The following FBLN1 variants were observed in gnomAD, a reference collection of about 807,000 sequenced individuals.
FBLN1 encodes the protein fibulin-1.
Under a neutral mutation model 89.7 loss-of-function variants are expected in FBLN1, and 34 were observed. The ratio of observed to expected loss-of-function variants is 0.38; its 90% CI spans 0.29 to 0.50. FBLN1 has a LOEUF of 0.50. Among genes scored for constraint, FBLN1 ranks in the 20% least tolerant of loss-of-function variants. The pLI, the probability that FBLN1 is intolerant of heterozygous loss-of-function variation, is 0.92. For missense variants in FBLN1, 777 were observed against 988.1 expected (o/e 0.79, Z 2.86); for synonymous variants, 393 against 391.3 (o/e 1.00, Z -0.05).
At position 45,590,968 on chromosome 22, in the gene FBLN1, G is replaced by A. The variant is rs1324859057; in HGVS notation, c.1973-9339G>A. Among the ~76,000 whole-genome samples the A allele has an allele frequency of 2.0e-5, 3 of 152,152 alleles. No individual in the cohort carries two copies. Among genetic ancestry groups the A allele is most frequent in the African/African-American group, 7.2e-5 (3 of 41,440 alleles). ...GGAGGACCCCACCCAGCAGGTAGGT[G>A]GGTGGAGGCTGAGGTCGGCTCAGGA... On this transcript the variant is annotated intron_variant, in intron 16 of 16. Transcript: ENST00000327858. The surrounding 1 kb of genome is among the most constrained non-coding windows in gnomAD (Gnocchi z 4.1).
chr22:45,541,668 A>G (rs2088557922), intron 9 of FBLN1, among the ~76,000 whole-genome samples: 1 of 152,230 alleles, frequency 6.6e-6, no homozygotes. Context: ...CTCTGCTTAC[A>G]GTCCAGTCCC....
intron 3 of FBLN1, among the ~76,000 whole-genome samples, chr22:45,526,111 C>T (rs2088324620): frequency 6.6e-6 from 1 of 152,200 alleles, no homozygotes. Context: ...TGGGCCCTCA[C>T]TAAGACCTCT....
chr22:45,571,745 G>T lies in FBLN1; in HGVS notation c.1698-2766G>T, dbSNP rs148991778. ...TCTTGGTGTATATTAGTTTTTAAATGTTCACTGAAGAGGCCTAGAAACAAT... is the reference window on the plus strand; with the variant it reads ...TCTTGGTGTATATTAGTTTTTAAATTTTCACTGAAGAGGCCTAGAAACAAT... On this transcript the variant is annotated intron_variant, in intron 14 of 16. Transcript: ENST00000327858. Among the ~76,000 whole-genome samples the T allele has an allele frequency of 4.0e-3, 603 of 152,296 alleles. 4 individuals are homozygous for T. The highest frequency in any genetic ancestry group is 0.014 in the African/African-American group (585 of 41,566).
chr22:45,513,414 C>T (rs1280694793), intron 1 of FBLN1, among the ~76,000 whole-genome samples: 10 of 151,344 alleles, frequency 6.6e-5, no homozygotes. Context: ...TAGTGATTCT[C>T]CTGCCTCTCA....
Position 45,535,319 on chromosome 22 carries a change from G to T in FBLN1, c.904G>T (p.Ala302Ser). The T allele has an allele frequency of 1.2e-6, 2 of 1,614,194 alleles. No individual in the cohort carries two copies. The highest frequency in any genetic ancestry group is 1.7e-6 in the Non-Finnish European group (2 of 1,180,030). ...LQCKSGFIQDALGNCIDINEC... is the reference protein window; with the variant it reads ...LQCKSGFIQDSLGNCIDINEC... The stretch of plus-strand genomic sequence containing the variant: ...GTGCAAGAGTGGCTTTATACAAGAT[G>T]CTCTAGGCAACTGTATTGGTAAGAG... The change falls in exon 8 of 17, where the codon GCT becomes TCT. Residue 302 changes from alanine (A) to serine (S), a missense_variant. Transcript: ENST00000327858.
intron 1 of FBLN1, among the ~76,000 whole-genome samples, chr22:45,513,418 C>T (rs2088127759): frequency 6.6e-6 from 1 of 151,724 alleles, no homozygotes; most frequent in African/African-American, 2.4e-5. Context: ...GATTCTCCTG[C>T]CTCTCAGCCT....
In FBLN1 at chr22:45,537,663, C is replaced by G. The variant is rs1012749352; in HGVS notation, c.922+2326C>G. 6.6e-6 allele frequency among the ~76,000 whole-genome samples: 1 copy of G among 151,962 alleles called. No homozygotes were observed. Among genetic ancestry groups the G allele is most frequent in the Non-Finnish European group, 1.5e-5 (1 of 67,990 alleles). ...AAAAAGACAAGTGGAACAGTGAGCC[C>G]TTAGGACAGGGGCCTCGTCTGAAAC... On this transcript the variant is annotated intron_variant, in intron 8 of 16. Coordinates refer to ENST00000327858, the MANE Select transcript of FBLN1 (RefSeq NM_006486.3). This position sits in a 1 kb window ranked among gnomAD's most constrained non-coding sequence, Gnocchi z 5.7.
In FBLN1 at chr22:45,573,680, C is replaced by CAAAAAAAAA. The variant is rs60082908; in HGVS notation, c.1698-818_1698-810dup. Among the ~76,000 whole-genome samples, 46 of 58,956 alleles carry CAAAAAAAAA rather than the reference C, an allele frequency of 7.8e-4. 3 individuals carry two copies. The highest frequency in any genetic ancestry group is 3.3e-3 in the African/African-American group (42 of 12,836). 38.7% of individuals were successfully genotyped at this position (58,956 alleles called of 152,430 possible). ...TGGGTGACAGAGCGAGACTCTGTCT[C>CAAAAAAAAA]AAAAAAAAAAAAAAAAAAAAACCCA... is the stretch of plus-strand genomic sequence containing the variant. On this transcript the variant is annotated intron_variant, in intron 14 of 16. Transcript: ENST00000327858.
In FBLN1 at chr22:45,574,431, C is replaced by T. The variant is rs2088975990; in HGVS notation, c.1698-80C>T. 2 of 1,541,114 alleles carry T rather than the reference C, an allele frequency of 1.3e-6. No individual in the cohort carries two copies. The highest frequency in any genetic ancestry group is 1.8e-6 in the Non-Finnish European group (2 of 1,119,840). On this transcript the variant is annotated intron_variant, in intron 14 of 16. Transcript: ENST00000327858. The surrounding 1 kb of genome is among the most constrained non-coding windows in gnomAD (Gnocchi z 4.1). ...GATGCCCCTGCCCTGGCCACCTGCT[C>T]CTCCTCCCTAGACCTCGGCCCCTGT...
At chr22:45,592,978 C>T (rs1410088699) in intron 16 of FBLN1, among the ~76,000 whole-genome samples, 2 of 152,188 alleles carry the variant, frequency 1.3e-5, no homozygotes, top group Non-Finnish European at 2.9e-5. Context: ...CACTCCATTA[C>T]ACGTTGTCAG....
chr22:45,519,824 A>G lies in FBLN1; in HGVS notation c.185+1037A>G, dbSNP rs111454762. ...ACCTGGTTGGGTTTCAGGCTGGGTG[A>G]CCTGAGCCAGCTCAAAGGCACCATG... is the stretch of plus-strand genomic sequence containing the variant. On this transcript the variant is annotated intron_variant, in intron 2 of 16. Transcript: ENST00000327858. Among the ~76,000 whole-genome samples, 715 of 152,102 alleles carry G rather than the reference A, an allele frequency of 4.7e-3. 5 individuals carry two copies. The highest frequency in any genetic ancestry group is 0.017 in the African/African-American group (686 of 41,462).
In FBLN1 at chr22:45,581,725, G is replaced by A. The variant is rs1054222899; in HGVS notation, c.1972+4617G>A. ...AGTCAGGGGAGGCTTCCTGGAAGAG[G>A]TCACACACATTCTGGGTCTTGAGGC... On this transcript the variant is annotated intron_variant, in intron 16 of 16. Coordinates refer to ENST00000327858, the MANE Select transcript of FBLN1 (RefSeq NM_006486.3). This position sits in a 1 kb window ranked among gnomAD's most constrained non-coding sequence, Gnocchi z 7.6. 6.6e-6 allele frequency among the ~76,000 whole-genome samples: 1 copy of A among 152,018 alleles called. No homozygotes were observed. The highest frequency in any genetic ancestry group is 1.5e-5 in the Non-Finnish European group (1 of 68,016).
chr22:45,529,575 A>G (rs1263133398), intron 4 of FBLN1, among the ~76,000 whole-genome samples: 1 of 152,170 alleles, frequency 6.6e-6, no homozygotes, highest in Non-Finnish European at 1.5e-5. Context: ...AAAAAATAAA[A>G]GAGGTGTGAG....
In FBLN1 at chr22:45,574,837, A is replaced by G. The variant is rs1402971018; in HGVS notation, c.1840+184A>G. On this transcript the variant is annotated intron_variant, in intron 15 of 16. Coordinates refer to ENST00000327858, the MANE Select transcript of FBLN1 (RefSeq NM_006486.3). This position sits in a 1 kb window ranked among gnomAD's most constrained non-coding sequence, Gnocchi z 4.1. Reference sequence around the variant, plus strand: ...CGCTCTGTCGCCCGGGCTGGAGTGCAGTGGTGCCATCTCGGCTCACTGCAA... The same window carrying G: ...CGCTCTGTCGCCCGGGCTGGAGTGCGGTGGTGCCATCTCGGCTCACTGCAA... Among the ~76,000 whole-genome samples, 1 of 137,660 alleles carries G rather than the reference A, an allele frequency of 7.3e-6. No individual in the cohort carries two copies. The highest frequency in any genetic ancestry group is 1.5e-5 in the Non-Finnish European group (1 of 66,354). 90.3% of individuals were successfully genotyped at this position (137,660 alleles called of 152,430 possible).
chr22:45,525,432 T>C (rs2088312709), intron 2 of FBLN1, 111 bp from the exon 3 acceptor site: 2 of 949,090 alleles, frequency 2.1e-6, no homozygotes, highest in African/African-American at 1.6e-5. Context: ...TCTGTGTCTG[T>C]GGGAGCAGGG....
intron 14 of FBLN1, chr22:45,551,151 G>A (rs1164322440): frequency 4.5e-6 from 1 of 224,438 alleles, no homozygotes; most frequent in Non-Finnish European, 9.0e-6. Flanking sequence ...GTGCCCCTAT[G>A]TCTTTGTAAG....
Position 45,550,971 on chromosome 22 carries a change from T to C in FBLN1, c.1697+356T>C, listed in dbSNP as rs1375997854. 1 of 377,526 alleles carries C rather than the reference T, an allele frequency of 2.6e-6. No homozygotes were observed. Among genetic ancestry groups the C allele is most frequent in the Non-Finnish European group, 5.1e-6 (1 of 196,452 alleles). 23.4% of individuals were successfully genotyped at this position (377,526 alleles called of 1,614,324 possible). On this transcript the variant is annotated intron_variant, in intron 14 of 16. Coordinates refer to ENST00000327858, the MANE Select transcript of FBLN1 (RefSeq NM_006486.3). The surrounding 1 kb of genome is among the most constrained non-coding windows in gnomAD (Gnocchi z 8.4). Reference sequence around the variant, plus strand: ...GTAACATGCAGATGTCAGAACGTGCTCTGACTGAGATGCATAGGTAGCAAT... The same window carrying C: ...GTAACATGCAGATGTCAGAACGTGCCCTGACTGAGATGCATAGGTAGCAAT...
At position 45,576,913 on chromosome 22, in the gene FBLN1, C is replaced by T. The variant is rs572372378; in HGVS notation, c.1841-64C>T. 1.0e-4 allele frequency: 167 copies of T among 1,602,718 alleles called. 1 individual carries two copies. The highest frequency in any genetic ancestry group is 6.4e-4 in the Admixed American group (38 of 59,800). Reference sequence around the variant, plus strand: ...TTCCCCAAGGGTGAGTTCCTGGGGACGAGGCTGGGACTGGGGCTGGGGCCA... The same window carrying T: ...TTCCCCAAGGGTGAGTTCCTGGGGATGAGGCTGGGACTGGGGCTGGGGCCA... On this transcript the variant is annotated intron_variant, in intron 15 of 16. Coordinates refer to ENST00000327858, the MANE Select transcript of FBLN1 (RefSeq NM_006486.3). The surrounding 1 kb of genome is among the most constrained non-coding windows in gnomAD (Gnocchi z 5.2).
intron 1 of FBLN1, among the ~76,000 whole-genome samples, chr22:45,510,163 C>T (rs1020014122): frequency 3.3e-5 from 5 of 152,172 alleles, no homozygotes; most frequent in Non-Finnish European, 1.5e-5. Context: ...ACCACCATCT[C>T]ATATCGTCAC....
Sources: allele counts gnomAD v4.1 joint callset (sites outside exome capture counted in the v4.1 genomes callset), GRCh38; gene constraint gnomAD v4.1.1; non-coding constraint Gnocchi (gnomAD v3.1); transcripts MANE v1.5; gene names NCBI Gene and HGNC (gene_info 2026-07-23, HGNC 2026-07-21).